CAMK2D: variants seen among roughly 807,000 people sequenced by gnomAD.
CAMK2D encodes calcium/calmodulin-dependent protein kinase type II subunit delta.
In CAMK2D, 37 loss-of-function variants were observed where a neutral mutation model predicts 84.0. The observed-to-expected ratio is 0.44, with a 90% confidence interval of 0.34 to 0.58. The LOEUF (loss-of-function observed/expected upper bound fraction) is 0.58. Ranked by LOEUF, CAMK2D falls within the 20% of genes least tolerant of loss-of-function variation. The pLI is 0.02. For missense variants in CAMK2D, 448 were observed against 652.5 expected (o/e 0.69, Z 3.41); for synonymous variants, 202 against 212.5 (o/e 0.95, Z 0.43).
intron 4 of CAMK2D, among the ~76,000 whole-genome samples, chr4:113,573,087 T>G (rs578072048): frequency 1.2e-3 from 177 of 152,272 alleles, no homozygotes; most frequent in Non-Finnish European, 1.6e-3. Flanking sequence ...AAATAACTAT[T>G]GAGGACTGGA....
At chr4:113,572,460 C>A (rs534119057) in intron 4 of CAMK2D, among the ~76,000 whole-genome samples, 14 of 149,300 alleles carry the variant, frequency 9.4e-5, no homozygotes, top group South Asian at 6.3e-4. Flanking sequence ...AAAAAAAAAA[C>A]CAAACACAAA....
chr4:113,694,925 G>A (rs2099398379), intron 2 of CAMK2D, among the ~76,000 whole-genome samples: 1 of 152,136 alleles, frequency 6.6e-6, no homozygotes, highest in African/African-American at 2.4e-5. Flanking sequence ...TGTTCTTTAA[G>A]TGTTTATAGA....
At chr4:113,622,333 T>A (rs1319732375) in intron 3 of CAMK2D, among the ~76,000 whole-genome samples, 1 of 152,192 alleles carries the variant, frequency 6.6e-6, no homozygotes, top group Non-Finnish European at 1.5e-5. Flanking sequence ...TTAATTTTTA[T>A]ACCAGTAAAC....
rs1306664295 is a variant in CAMK2D, at chr4:113,692,739, C to T, written c.161-30967G>A. On this transcript the variant is annotated intron_variant, in intron 2 of 20. Transcript: ENST00000511664. ...ATATACATACATATATTCATACATA[C>T]ATATTCATATATACATACATACATA... is the stretch of plus-strand genomic sequence containing the variant. 2.0e-5 allele frequency among the ~76,000 whole-genome samples: 3 copies of T among 151,788 alleles called. No homozygotes were observed. In the East Asian group the frequency reaches 5.8e-4, roughly 29 times the overall value.
intron 2 of CAMK2D, among the ~76,000 whole-genome samples, chr4:113,666,770 C>T (rs2154318934): frequency 6.6e-6 from 1 of 152,222 alleles, no homozygotes; most frequent in East Asian, 1.9e-4. Flanking sequence ...CCCATGGGAG[C>T]ATGAAAAATG....
intron 4 of CAMK2D, among the ~76,000 whole-genome samples, chr4:113,571,866 TTTAA>T (rs2154224240): frequency 6.6e-6 from 1 of 152,334 alleles, no homozygotes; most frequent in Admixed American, 6.5e-5. Flanking sequence ...GTTTCATAAA[TTTAA>T]TTAACAGAAT....
At chr4:113,494,492 C>T (rs1210356865) in intron 16 of CAMK2D, among the ~76,000 whole-genome samples, 3 of 152,174 alleles carry the variant, frequency 2.0e-5, no homozygotes, top group African/African-American at 7.2e-5. Flanking sequence ...AGGCAGTCTG[C>T]CTGTTCTCAG....
intron 2 of CAMK2D, among the ~76,000 whole-genome samples, chr4:113,705,199 C>T (rs745788283): frequency 8.0e-5 from 12 of 150,500 alleles, no homozygotes; most frequent in Admixed American, 1.3e-4. Flanking sequence ...TGGAGGCAGG[C>T]GCCTGTAGTC....
intron 4 of CAMK2D, among the ~76,000 whole-genome samples, chr4:113,567,772 CA>C (rs1319196561): frequency 6.6e-6 from 1 of 152,092 alleles, no homozygotes; most frequent in Non-Finnish European, 1.5e-5. Context: ...ATGGCTAAAA[CA>C]AGTATCTAAT....
In CAMK2D at chr4:113,455,780, C is replaced by T. The variant is rs781596266; in HGVS notation, c.1577G>A (p.Gly526Asp). The T allele has an allele frequency of 1.9e-6, 3 of 1,612,298 alleles. No homozygotes were observed. The highest frequency in any genetic ancestry group is 1.7e-5 in the Admixed American group (1 of 59,940). ...TTAGATGTTTTGCCACAAAGAGGTGCCTCCTGAGAAGTTTTCTTTCCCATT... is the reference window on the plus strand; with the variant it reads ...TTAGATGTTTTGCCACAAAGAGGTGTCTCCTGAGAAGTTTTCTTTCCCATT... ...IPNGKENFSG[G>D]TSLWQNI is the part of the protein sequence containing the mutation. Residue 526 changes from glycine to aspartate, a missense_variant, in exon 20 of 21, where the codon GGC becomes GAC. Around this residue, in one of 7 missense-constraint regions of CAMK2D, gnomAD observed 219 missense variants for 272.1 expected, o/e 0.80. Transcript: ENST00000511664.
intron 16 of CAMK2D, among the ~76,000 whole-genome samples, chr4:113,473,673 T>C (rs1355240516): frequency 2.0e-5 from 3 of 152,202 alleles, no homozygotes; most frequent in Admixed American, 1.3e-4. Flanking sequence ...CTTTGAACTT[T>C]GCTATATAAT....
chr4:113,638,834 G>A (rs2099120370), intron 3 of CAMK2D, among the ~76,000 whole-genome samples: 1 of 152,106 alleles, frequency 6.6e-6, no homozygotes, highest in Admixed American at 6.5e-5. Context: ...TGGTAAGGTG[G>A]AATTTCTCAT....
At chr4:113,696,438 G>C (rs2099403080) in intron 2 of CAMK2D, among the ~76,000 whole-genome samples, 1 of 151,932 alleles carries the variant, frequency 6.6e-6, no homozygotes. Context: ...TTATTAAGTT[G>C]GTGGATCCAT....
intron 2 of CAMK2D, among the ~76,000 whole-genome samples, chr4:113,715,095 C>A (rs2099509487): frequency 6.6e-6 from 1 of 152,032 alleles, no homozygotes. Context: ...TTCTCAATTA[C>A]TTTACATTCT....
At chr4:113,592,518 A>G (rs1459389478) in intron 4 of CAMK2D, among the ~76,000 whole-genome samples, 1 of 152,224 alleles carries the variant, frequency 6.6e-6, no homozygotes, top group African/African-American at 2.4e-5. Flanking sequence ...TTTACATTTA[A>G]TTAACTTTTT....
At chr4:113,655,284 C>T (rs1303837976) in intron 3 of CAMK2D, among the ~76,000 whole-genome samples, 2 of 151,932 alleles carry the variant, frequency 1.3e-5, no homozygotes, top group Non-Finnish European at 1.5e-5. Flanking sequence ...CACTATGCCT[C>T]TTATTATCTG....
intron 2 of CAMK2D, among the ~76,000 whole-genome samples, chr4:113,749,344 T>C (rs1488179598): frequency 7.7e-6 from 1 of 130,686 alleles, no homozygotes; most frequent in Non-Finnish European, 1.5e-5. Flanking sequence ...TCAACATGCA[T>C]TCTGTTTAAA....
At chr4:113,495,054 G>T (rs929335134) in intron 16 of CAMK2D, among the ~76,000 whole-genome samples, 2 of 152,196 alleles carry the variant, frequency 1.3e-5, no homozygotes, top group African/African-American at 2.4e-5. Context: ...ACTCCCTAGT[G>T]AGATGAACCC....
chr4:113,600,670 C>T (rs2098947963), intron 4 of CAMK2D, among the ~76,000 whole-genome samples: 1 of 152,052 alleles, frequency 6.6e-6, no homozygotes, highest in Non-Finnish European at 1.5e-5. Flanking sequence ...CAGGGTCTCG[C>T]TCTGTCAACT....
Sources: allele counts gnomAD v4.1 joint callset (sites outside exome capture counted in the v4.1 genomes callset), GRCh38; gene constraint gnomAD v4.1.1; regional missense constraint gnomAD v4.1.1; transcripts MANE v1.5; gene names NCBI Gene and HGNC (gene_info 2026-07-23, HGNC 2026-07-21).